Variants in USP25 observed in about 807,000 individuals in gnomAD.
USP25 encodes the protein ubiquitin specific peptidase 25, also known as ubiquitin carboxyl-terminal hydrolase 25.
Under a neutral mutation model 158.5 loss-of-function variants are expected in USP25, and 85 were observed. The ratio of observed to expected loss-of-function variants is 0.54; its 90% CI spans 0.45 to 0.64. The LOEUF (loss-of-function observed/expected upper bound fraction) is 0.64. Among genes scored for constraint, USP25 ranks in the 30% least tolerant of loss-of-function variants. The pLI is 0.00. For synonymous variants in USP25, 464 were observed against 460.4 expected, an observed-to-expected ratio of 1.01 and a Z score of -0.10; for missense variants, 1,242 against 1,327.3, an observed-to-expected ratio of 0.94 and a Z score of 1.00.
At chr21:15,818,310 TA>T (rs1873876211) in intron 9 of USP25, among the ~76,000 whole-genome samples, 1 of 152,202 alleles carries the variant, frequency 6.6e-6, no homozygotes, top group South Asian at 2.1e-4. Flanking sequence ...TGTTTATAAA[TA>T]TATGTGAAGT....
intron 1 of USP25, among the ~76,000 whole-genome samples, chr21:15,733,964 A>G (rs528780827): frequency 6.6e-6 from 1 of 152,334 alleles, no homozygotes; most frequent in African/African-American, 2.4e-5. Flanking sequence ...CCTTTTTGTC[A>G]CCTTGGGCAA....
Position 15,875,629 on chromosome 21 carries a change from C to T in USP25, c.3009+1103C>T, listed in dbSNP as rs2040068859. Among the ~76,000 whole-genome samples the T allele has an allele frequency of 6.6e-6, 1 of 152,142 alleles. No homozygotes were observed. The highest frequency in any genetic ancestry group is 2.1e-4 in the South Asian group (1 of 4,826). The stretch of plus-strand genomic sequence containing the variant: ...GAACCTTAAGAGACAAGGTAAACCT[C>T]GTCTGGATCTTGATGGATAAATAGA... On this transcript the variant is annotated intron_variant, in intron 24 of 25. Coordinates refer to ENST00000400183, the MANE Select transcript of USP25 (RefSeq NM_001283041.3). The surrounding 1 kb of genome is among the most constrained non-coding windows in gnomAD (Gnocchi z 4.7).
At chr21:15,808,067 G>T (rs1006582924) in intron 7 of USP25, among the ~76,000 whole-genome samples, 12 of 152,126 alleles carry the variant, frequency 7.9e-5, no homozygotes, top group Non-Finnish European at 1.6e-4. Flanking sequence ...TGTATTTGGG[G>T]CTATTTTGGT....
chr21:15,848,721 T>C (rs1031124654), intron 19 of USP25, among the ~76,000 whole-genome samples: 1 of 152,182 alleles, frequency 6.6e-6, no homozygotes, highest in African/African-American at 2.4e-5. Flanking sequence ...GACATATCAC[T>C]GTACCAGTGT....
intron 7 of USP25, among the ~76,000 whole-genome samples, chr21:15,808,270 C>CAAAG (rs1822933565): frequency 6.6e-6 from 1 of 152,036 alleles, no homozygotes; most frequent in Non-Finnish European, 1.5e-5. Flanking sequence ...GAGCAAAGAC[C>CAAAG]AAAGGCATGG....
rs149055662 is a variant in USP25 at position 15,833,707 on chromosome 21, T to C, written c.2194+159T>C. 2.0e-4 allele frequency among the ~76,000 whole-genome samples: 31 copies of C among 152,318 alleles called. No individual in the cohort carries two copies. In the East Asian group the frequency reaches 5.0e-3, roughly 25 times the overall value. On this transcript the variant is annotated intron_variant, in intron 17 of 25. Coordinates refer to ENST00000400183, the MANE Select transcript of USP25 (RefSeq NM_001283041.3). ...AGATTATCACAGTTAACAATTTAGT[T>C]TACCTTTTTGCCAGACACCACTGTA...
At chr21:15,872,014 G>GTTTTTTT (rs1158862222) in intron 23 of USP25, among the ~76,000 whole-genome samples, 1 of 71,644 alleles carries the variant, frequency 1.4e-5, no homozygotes, top group African/African-American at 5.2e-5. Context: ...AAGAAATACT[G>GTTTTTTT]TTTTTTTTTT....
chr21:15,868,732 T>C (rs2039761783), intron 22 of USP25, among the ~76,000 whole-genome samples: 1 of 152,042 alleles, frequency 6.6e-6, no homozygotes, highest in South Asian at 2.1e-4. Context: ...AGTTACAGAG[T>C]TGAGTAACTG....
chr21:15,878,817 C>T lies in USP25; in HGVS notation c.*342C>T. ...CCATTCAGTCTGGATCCTTCCATGA[C>T]TACAGCCATTTAAGTGTTCAGCACT... On this transcript the variant is annotated 3_prime_UTR_variant, in exon 26 of 26. Transcript: ENST00000400183. 1 of 201,002 alleles carries T rather than the reference C, an allele frequency of 5.0e-6. No individual in the cohort carries two copies. The highest frequency in any genetic ancestry group is 1.1e-4 in the South Asian group (1 of 8,944). 12.5% of individuals were successfully genotyped at this position (201,002 alleles called of 1,614,324 possible).
intron 1 of USP25, among the ~76,000 whole-genome samples, chr21:15,750,662 C>T (rs943189169): frequency 6.6e-6 from 1 of 151,798 alleles, no homozygotes; most frequent in Non-Finnish European, 1.5e-5. Flanking sequence ...GCTGGAGTGC[C>T]GTGGCGTGAT....
At chr21:15,830,488 A>G in intron 14 of USP25, 43 bp from the exon 15 acceptor site, 2 of 1,519,778 alleles carry the variant, frequency 1.3e-6, no homozygotes, top group Non-Finnish European at 1.8e-6. Context: ...ATAAGTAGAA[A>G]CACATTTGCT....
At chr21:15,763,933 G>A (rs2033885677) in intron 2 of USP25, among the ~76,000 whole-genome samples, 1 of 152,074 alleles carries the variant, frequency 6.6e-6, no homozygotes, top group African/African-American at 2.4e-5. Flanking sequence ...AAAGTAACTT[G>A]CCCAGGATCA....
At chr21:15,852,818 G>C (rs886397932) in intron 20 of USP25, among the ~76,000 whole-genome samples, 3 of 151,990 alleles carry the variant, frequency 2.0e-5, no homozygotes, top group Non-Finnish European at 2.9e-5. Flanking sequence ...TCTGAAGTTT[G>C]TGTACATTTG....
At chr21:15,813,393 T>C (rs1462780254) in intron 9 of USP25, among the ~76,000 whole-genome samples, 1 of 152,232 alleles carries the variant, frequency 6.6e-6, no homozygotes, top group Non-Finnish European at 1.5e-5. Flanking sequence ...ATTTGTAGTT[T>C]TGTATCATAT....
chr21:15,864,824 C>T (rs1166964839), intron 21 of USP25, among the ~76,000 whole-genome samples: 7 of 152,036 alleles, frequency 4.6e-5, no homozygotes, highest in Non-Finnish European at 1.0e-4. Context: ...CTCATCTCTT[C>T]GTTAGATGAC....
chr21:15,817,524 A>G (rs1382682483), intron 9 of USP25, among the ~76,000 whole-genome samples: 4 of 152,268 alleles, frequency 2.6e-5, no homozygotes, highest in Admixed American at 2.0e-4. Context: ...GTCCATTTAC[A>G]TGCTGCTGAT....
chr21:15,753,192 G>C (rs915079526), intron 1 of USP25, among the ~76,000 whole-genome samples: 1 of 152,178 alleles, frequency 6.6e-6, no homozygotes, highest in African/African-American at 2.4e-5. Flanking sequence ...TATGTCAGCA[G>C]GTAGGTCACG....
At chr21:15,839,185 A>C (rs2038207126) in intron 17 of USP25, among the ~76,000 whole-genome samples, 1 of 152,136 alleles carries the variant, frequency 6.6e-6, no homozygotes. Flanking sequence ...CAGGGTTTCA[A>C]ACCATTGTGG....
At chr21:15,846,006 A>AT (rs1361846679) in intron 18 of USP25, among the ~76,000 whole-genome samples, 1 of 151,088 alleles carries the variant, frequency 6.6e-6, no homozygotes, top group Non-Finnish European at 1.5e-5. Context: ...GCTTAGCTGC[A>AT]TATTATCTCT....
Sources: gnomAD v4.1 joint callset for allele counts (sites outside exome capture counted in the v4.1 genomes callset) on GRCh38, gnomAD v4.1.1 for gene constraint, Gnocchi (gnomAD v3.1) non-coding constraint, MANE v1.5 for transcripts, NCBI Gene and HGNC (gene_info 2026-07-23, HGNC 2026-07-21) for gene names.